The following PDSS2 variants were observed in gnomAD, a reference collection of about 807,000 sequenced individuals.
PDSS2 encodes decaprenyl diphosphate synthase subunit 2.
PDSS2 carries 31 observed loss-of-function variants against 44.5 expected under a neutral mutation model. That is an observed-to-expected ratio of 0.70 (90% confidence interval 0.52 to 0.94). The LOEUF is 0.94. Among genes scored for constraint, PDSS2 ranks in the 40% least tolerant of loss-of-function variants. The pLI is 0.00. For missense variants in PDSS2, 452 were observed against 482.2 expected (o/e 0.94, Z 0.59); for synonymous variants, 157 against 180.3 (o/e 0.87, Z 1.03).
intron 1 of PDSS2, among the ~76,000 whole-genome samples, chr6:107,457,423 A>G (rs1337371420): frequency 6.6e-6 from 1 of 152,242 alleles, no homozygotes; most frequent in Non-Finnish European, 1.5e-5. Context: ...AAAAACAACA[A>G]TAGAAAAAGG....
intron 2 of PDSS2, among the ~76,000 whole-genome samples, chr6:107,325,634 G>A (rs766681389): frequency 6.6e-6 from 1 of 152,058 alleles, no homozygotes; most frequent in African/African-American, 2.4e-5. Context: ...TGGTCAAAGA[G>A]GCCAAAGGAT....
At chr6:107,418,137 G>C (rs1780721255) in intron 1 of PDSS2, among the ~76,000 whole-genome samples, 1 of 152,186 alleles carries the variant, frequency 6.6e-6, no homozygotes, top group African/African-American at 2.4e-5. Context: ...CCCAGAACCA[G>C]TGCTTGTTAC....
At chr6:107,364,424 C>T (rs1303110220) in intron 1 of PDSS2, among the ~76,000 whole-genome samples, 1 of 152,246 alleles carries the variant, frequency 6.6e-6, no homozygotes, top group African/African-American at 2.4e-5. Context: ...AGAAATCGAG[C>T]ACAGCGCCAG....
At position 107,173,514 on chromosome 6, in the gene PDSS2, CA is replaced by C. The variant is rs1771669431; in HGVS notation, c.1042-18738del. ...GCTTCAACCTGGGAAGCAGAGGTTG[CA>C]GTGAGCCGAGATCGCGCCACTGCAC... On this transcript the variant is annotated intron_variant, in intron 7 of 7. Coordinates refer to ENST00000369037, the MANE Select transcript of PDSS2 (RefSeq NM_020381.4). 4.7e-5 allele frequency among the ~76,000 whole-genome samples: 6 copies of C among 127,998 alleles called. No individual in the cohort carries two copies. The South Asian group carries it at 1.5e-3, about 32-fold the overall frequency. 84.0% of individuals were successfully genotyped at this position (127,998 alleles called of 152,430 possible).
chr6:107,162,738 G>A (rs1308988491), intron 7 of PDSS2, among the ~76,000 whole-genome samples: 8 of 150,566 alleles, frequency 5.3e-5, no homozygotes, highest in Non-Finnish European at 1.0e-4. Context: ...CCGAGTAGCT[G>A]GGATTACAGG....
chr6:107,359,430 C>G (rs1046149689), intron 1 of PDSS2, among the ~76,000 whole-genome samples: 1 of 151,640 alleles, frequency 6.6e-6, no homozygotes, highest in Non-Finnish European at 1.5e-5. Flanking sequence ...CGAGACCAGC[C>G]TTGCCAACAT....
intron 3 of PDSS2, among the ~76,000 whole-genome samples, chr6:107,246,746 C>T (rs1046218115): frequency 5.9e-5 from 9 of 152,268 alleles, no homozygotes; most frequent in Admixed American, 2.6e-4. Flanking sequence ...TATATATTTA[C>T]GTTTATACTA....
intron 1 of PDSS2, among the ~76,000 whole-genome samples, chr6:107,378,622 C>T (rs1420503256): frequency 6.6e-6 from 1 of 152,078 alleles, no homozygotes; most frequent in Non-Finnish European, 1.5e-5. Context: ...CCGTTCTTTA[C>T]TAAAAGTACA....
chr6:107,458,474 G>T (rs1268928581), intron 1 of PDSS2, among the ~76,000 whole-genome samples: 1 of 139,560 alleles, frequency 7.2e-6, no homozygotes, highest in African/African-American at 2.7e-5. Context: ...CAGTAGTACA[G>T]CATAAGTGAT....
At chr6:107,273,468 C>T (rs978498673) in intron 3 of PDSS2, among the ~76,000 whole-genome samples, 25 of 151,932 alleles carry the variant, frequency 1.6e-4, no homozygotes, top group Admixed American at 1.6e-3. Flanking sequence ...TAAGAAGCAA[C>T]CTAAATGTCC....
At chr6:107,343,589 A>G (rs1450033050) in intron 1 of PDSS2, among the ~76,000 whole-genome samples, 2 of 152,242 alleles carry the variant, frequency 1.3e-5, no homozygotes, top group Admixed American at 6.5e-5. Flanking sequence ...GCAACAAAAC[A>G]TTAACGTTTA....
rs147006568 is a variant in PDSS2, at chr6:107,258,880, G to A, written c.631-13261C>T. Among the ~76,000 whole-genome samples the A allele has an allele frequency of 2.9e-3, 439 of 152,236 alleles. 2 individuals are homozygous for A. Among genetic ancestry groups the A allele is most frequent in the Non-Finnish European group, 3.7e-3 (255 of 68,014 alleles). ...TTCCAATATTTAGAAACTAATAACC[G>A]TTTAAGATACCATAAATTCCAGGAT... On this transcript the variant is annotated intron_variant, in intron 3 of 7. Coordinates refer to ENST00000369037, the MANE Select transcript of PDSS2 (RefSeq NM_020381.4).
At chr6:107,316,673 G>A (rs755836645) in intron 2 of PDSS2, among the ~76,000 whole-genome samples, 10 of 152,144 alleles carry the variant, frequency 6.6e-5, no homozygotes, top group Admixed American at 1.3e-4. Context: ...TATCTACTCT[G>A]ATTTAGCTTT....
intron 7 of PDSS2, among the ~76,000 whole-genome samples, chr6:107,155,038 C>T (rs1429682950): frequency 6.6e-6 from 1 of 152,158 alleles, no homozygotes; most frequent in Non-Finnish European, 1.5e-5. Flanking sequence ...TCCTGACTCC[C>T]ATCCCTTAAT....
intron 1 of PDSS2, among the ~76,000 whole-genome samples, chr6:107,420,281 T>G (rs1486449234): frequency 6.6e-6 from 1 of 152,184 alleles, no homozygotes; most frequent in Non-Finnish European, 1.5e-5. Flanking sequence ...TCTTCTAGCC[T>G]CAGCCAGAAC....
chr6:107,360,867 T>C (rs1778750526), intron 1 of PDSS2, among the ~76,000 whole-genome samples: 1 of 152,224 alleles, frequency 6.6e-6, no homozygotes, highest in Non-Finnish European at 1.5e-5. Flanking sequence ...TGAATTTACA[T>C]ACTGGGCAGT....
chr6:107,450,236 C>T (rs1370914610), intron 1 of PDSS2, among the ~76,000 whole-genome samples: 1 of 152,078 alleles, frequency 6.6e-6, no homozygotes, highest in Non-Finnish European at 1.5e-5. Flanking sequence ...GTTTGTTCAA[C>T]CACTCACTAG....
chr6:107,228,695 AAAATAAAT>A (rs61470983), intron 4 of PDSS2, among the ~76,000 whole-genome samples: 27,552 of 140,658 alleles, frequency 0.2, 3,134 homozygotes, highest in African/African-American at 0.33. Context: ...ACTCTATCTC[AAAATAAAT>A]AAATAAATAA....
intron 2 of PDSS2, among the ~76,000 whole-genome samples, chr6:107,305,423 TAAGTTC>T (rs1179307816): frequency 6.6e-6 from 1 of 152,182 alleles, no homozygotes. Flanking sequence ...AGGGTGAGTT[TAAGTTC>T]ATCTAAATGA....
Sources: gnomAD v4.1 joint callset for allele counts (sites outside exome capture counted in the v4.1 genomes callset) on GRCh38, gnomAD v4.1.1 for gene constraint, MANE v1.5 for transcripts, NCBI Gene and HGNC (gene_info 2026-07-23, HGNC 2026-07-21) for gene names.